KMT2A: variants seen among roughly 807,000 people sequenced by gnomAD.
KMT2A encodes the protein histone-lysine N-methyltransferase 2A.
Under a neutral mutation model 345.3 loss-of-function variants are expected in KMT2A, and 16 were observed. The observed-to-expected ratio is 0.05, with a 90% CI of 0.03 to 0.07. KMT2A has a LOEUF of 0.07. Among genes scored for constraint, KMT2A ranks in the 10% least tolerant of loss-of-function variants. The pLI, the probability that KMT2A is intolerant of heterozygous loss-of-function variation, is 1.00. For synonymous variants in KMT2A, 1,599 were observed against 1,778.6 expected, an observed-to-expected ratio of 0.90 and a Z score of 2.54; for missense variants, 3,272 against 4,841.6, an observed-to-expected ratio of 0.68 and a Z score of 9.62.
intron 1 of KMT2A, among the ~76,000 whole-genome samples, chr11:118,437,370 CCTCTCGGGCGT>C (rs72327630): frequency 0.05 from 7,628 of 152,080 alleles, 304 homozygotes; most frequent in African/African-American, 0.11. Flanking sequence ...GGGCAGTTTT[CCTCTCGGGCGT>C]CTCTCGGGTG....
At chr11:118,514,479 C>T (rs1416391145) in intron 31 of KMT2A, among the ~76,000 whole-genome samples, 5 of 151,342 alleles carry the variant, frequency 3.3e-5, no homozygotes, top group Admixed American at 2.6e-4. Flanking sequence ...CTTACTCTGT[C>T]ACCCAGGCTG....
rs533637959 is a variant in KMT2A at position 118,496,512 on chromosome 11, CTT to C, written c.5664+146_5664+147del. 3.2e-5 allele frequency: 16 copies of C among 502,210 alleles called. No homozygotes were observed. The Admixed American group carries it at 5.0e-4, about 16-fold the overall frequency. 31.1% of individuals were successfully genotyped at this position (502,210 alleles called of 1,614,324 possible). ...ATTTATAACTTTTATTTACCTATAA[CTT>C]ATAACTTATTAATTTGTAACTTATT... is the stretch of plus-strand genomic sequence containing the variant. On this transcript the variant is annotated intron_variant, in intron 20 of 35. Coordinates refer to ENST00000534358, the MANE Select transcript of KMT2A (RefSeq NM_001197104.2). This position sits in a 1 kb window ranked among gnomAD's most constrained non-coding sequence, Gnocchi z 4.7.
Position 118,520,747 on chromosome 11 carries a change from A to T in KMT2A, c.11430-55A>T, listed in dbSNP as rs529963620. On this transcript the variant is annotated intron_variant, in intron 33 of 35. Coordinates refer to ENST00000534358, the MANE Select transcript of KMT2A (RefSeq NM_001197104.2). The surrounding 1 kb of genome is among the most constrained non-coding windows in gnomAD (Gnocchi z 4.3). Reference sequence around the variant, plus strand: ...TGTCTCTAGGAACCTTCGATTCAAGACTCAAAACATTATTTCCTGAAAAAA... The same window carrying T: ...TGTCTCTAGGAACCTTCGATTCAAGTCTCAAAACATTATTTCCTGAAAAAA... 313 of 1,303,660 alleles carry T rather than the reference A, an allele frequency of 2.4e-4. 2 individuals carry two copies. The Admixed American group carries it at 5.2e-3, about 22-fold the overall frequency. 80.8% of individuals were successfully genotyped at this position (1,303,660 alleles called of 1,614,324 possible).
Position 118,471,776 on chromosome 11 carries a change from C to T in KMT2A, c.617C>T (p.Ser206Phe). 6.2e-7 allele frequency: 1 copy of T among 1,613,504 alleles called. No individual in the cohort carries two copies. Among genetic ancestry groups the T allele is most frequent in the Non-Finnish European group, 8.5e-7 (1 of 1,179,654 alleles). Reference sequence around the variant, plus strand: ...CCTCTAAATAAATCAGAGACCAAATCTGGAGATAAGATCAAGAAGAAAGAT... The same window carrying T: ...CCTCTAAATAAATCAGAGACCAAATTTGGAGATAAGATCAAGAAGAAAGAT... ...FSPLNKSETKSGDKIKKKDSK... is the reference protein window; with the variant it reads ...FSPLNKSETKFGDKIKKKDSK... The change falls in exon 3 of 36, where the codon TCT becomes TTT. Residue 206 changes from serine to phenylalanine, a missense_variant. Transcript: ENST00000534358.
intron 1 of KMT2A, among the ~76,000 whole-genome samples, chr11:118,447,170 T>C (rs1949439117): frequency 6.6e-6 from 1 of 152,224 alleles, no homozygotes; most frequent in Non-Finnish European, 1.5e-5. Flanking sequence ...GTTTTGTATG[T>C]TATCCTTAAA....
At chr11:118,506,715 G>T in intron 27 of KMT2A, 69 bp downstream of exon 27, 1 of 1,452,482 alleles carries the variant, frequency 6.9e-7, no homozygotes, top group Non-Finnish European at 9.3e-7. Flanking sequence ...GGCTGTTGAT[G>T]TGGTAGTCCG....
Position 118,502,805 on chromosome 11 carries a change from T to A in KMT2A, c.6913T>A (p.Ser2305Thr), listed in dbSNP as rs1168652214. Reference sequence around the variant, plus strand: ...TTCAGACTTGGTGTCCAAGAGCTCCTCTTTAAAGGGAGAGAAGACCAAAGT... The same window carrying A: ...TTCAGACTTGGTGTCCAAGAGCTCCACTTTAAAGGGAGAGAAGACCAAAGT... Reference protein sequence around the residue: ...SASDLVSKSSSLKGEKTKVLS... With the variant: ...SASDLVSKSSTLKGEKTKVLS... The change falls in exon 27 of 36, where the codon TCT becomes ACT. Residue 2305 changes from serine to threonine, a missense_variant. Ser to Thr is a moderately conservative substitution (Grantham distance 58). Coordinates refer to ENST00000534358, the MANE Select transcript of KMT2A (RefSeq NM_001197104.2). The surrounding 1 kb of genome is among the most constrained non-coding windows in gnomAD (Gnocchi z 4.9). 6.2e-7 allele frequency: 1 copy of A among 1,614,194 alleles called. No individual in the cohort carries two copies. The highest frequency in any genetic ancestry group is 8.5e-7 in the Non-Finnish European group (1 of 1,180,038).
In KMT2A at chr11:118,503,233, A is replaced by T; in HGVS notation, c.7341A>T (p.Lys2447Asn). 6.2e-7 allele frequency: 1 copy of T among 1,614,090 alleles called. No individual in the cohort carries two copies. Among genetic ancestry groups the T allele is most frequent in the East Asian group, 2.2e-5 (1 of 44,878 alleles). Residue 2447 changes from lysine to asparagine, a missense_variant, in exon 27 of 36, where the codon AAA (lysine) becomes AAT (asparagine). Coordinates refer to ENST00000534358, the MANE Select transcript of KMT2A (RefSeq NM_001197104.2). This position sits in a 1 kb window ranked among gnomAD's most constrained non-coding sequence, Gnocchi z 5.3. ...CTTTCAAAGAAAAGCATTCCAGTAA[A>T]TCTTTTTTGGAACCTGGTCAGGTGA... is the stretch of plus-strand genomic sequence containing the variant. ...KETFKEKHSSKSFLEPGQVTT... is the reference protein window; with the variant it reads ...KETFKEKHSSNSFLEPGQVTT...
chr11:118,450,083 T>G (rs1478407872), intron 1 of KMT2A: 7 of 152,226 alleles, frequency 4.6e-5, no homozygotes, highest in African/African-American at 1.7e-4. Context: ...AACCCTGTGA[T>G]TGTGATGCTT....
chr11:118,507,598 G>A lies in KMT2A; in HGVS notation c.10824G>A (p.Gly3608=), dbSNP rs1191156925. 3.7e-6 allele frequency: 6 copies of A among 1,613,198 alleles called. No individual in the cohort carries two copies. In the East Asian group the frequency reaches 1.1e-4, roughly 30 times the overall value. The change falls in exon 28 of 36, where the codon GGG becomes GGA. Residue 3608 remains glycine (G), a synonymous_variant. Transcript: ENST00000534358. The part of the protein sequence containing the change: ...SVEQSSQKEC[G]QPAGQVAVLP... ...AGCAGTCCTCCCAGAAGGAGTGTGG[G>A]CAACCTGCAGGGTAAGCTGAAGAAT... is the stretch of plus-strand genomic sequence containing the variant.
intron 1 of KMT2A, among the ~76,000 whole-genome samples, chr11:118,446,915 G>A (rs1383490659): frequency 2.0e-5 from 3 of 152,134 alleles, no homozygotes; most frequent in East Asian, 1.9e-4. Flanking sequence ...AATGTACATC[G>A]TTACTGCTTC....
At chr11:118,474,342 AAC>A in intron 3 of KMT2A, 27 bp downstream of exon 3, 1 of 1,601,016 alleles carries the variant, frequency 6.2e-7, no homozygotes, top group African/African-American at 1.3e-5. Flanking sequence ...TGCCTATTAA[AAC>A]TAACAGTTTA....
Position 118,462,312 on chromosome 11 carries a change from T to TTTTTG in KMT2A, c.433-6433_433-6429dup, listed in dbSNP as rs202080031. 6.0e-3 allele frequency among the ~76,000 whole-genome samples: 919 copies of TTTTTG among 152,140 alleles called. 14 individuals are homozygous for TTTTTG. Among genetic ancestry groups the TTTTTG allele is most frequent in the Admixed American group, 0.031 (469 of 15,252 alleles). On this transcript the variant is annotated intron_variant, in intron 1 of 35. Transcript: ENST00000534358. ...TTTCTCAACTTGGCTTTACTTAGTTTTTTTGTTTTGTTTTGTTTTGTTTTG... is the reference window on the plus strand; with the variant it reads ...TTTCTCAACTTGGCTTTACTTAGTTTTTTTGTTTTGTTTTGTTTTGTTTTGTTTTG...
intron 24 of KMT2A, 76 bp from the exon 25 acceptor site, chr11:118,500,911 A>G: frequency 8.5e-7 from 1 of 1,182,008 alleles, no homozygotes; most frequent in Non-Finnish European, 1.2e-6. Flanking sequence ...CCTAGGATAA[A>G]GAGAGGTTTT....
rs539714014 is a variant in KMT2A, at chr11:118,522,791, C to T, written c.*619C>T. 16 of 213,484 alleles carry T rather than the reference C, an allele frequency of 7.5e-5. 1 individual carries two copies. In the South Asian group the frequency reaches 2.4e-3, roughly 32 times the overall value. 13.2% of individuals were successfully genotyped at this position (213,484 alleles called of 1,614,324 possible). ...AATTAATTACCAAACATTGAGCCTG[C>T]AGGCTTTGAGTGGGAGTGTTGCCCC... is the stretch of plus-strand genomic sequence containing the variant. On this transcript the variant is annotated 3_prime_UTR_variant, in exon 36 of 36. Coordinates refer to ENST00000534358, the MANE Select transcript of KMT2A (RefSeq NM_001197104.2). The surrounding 1 kb of genome is among the most constrained non-coding windows in gnomAD (Gnocchi z 5.4).
At position 118,520,575 on chromosome 11, in the gene KMT2A, C is replaced by T. The variant is rs1950938961; in HGVS notation, c.11430-227C>T. The T allele has an allele frequency of 1.9e-6, 1 of 520,674 alleles. No homozygotes were observed. 32.3% of individuals were successfully genotyped at this position (520,674 alleles called of 1,614,324 possible). On this transcript the variant is annotated intron_variant, in intron 33 of 35. Transcript: ENST00000534358. The surrounding 1 kb of genome is among the most constrained non-coding windows in gnomAD (Gnocchi z 4.3). ...CTGAGGCAAGAGAATCGCTTGAACC[C>T]AGGAGGCGGAGGTTACAGTGAGCCG...
intron 31 of KMT2A, among the ~76,000 whole-genome samples, chr11:118,515,851 G>C (rs1950802383): frequency 6.6e-6 from 1 of 151,982 alleles, no homozygotes; most frequent in South Asian, 2.1e-4. Context: ...ACCACACCCA[G>C]CTAATTTTTG....
intron 12 of KMT2A, 99 bp downstream of exon 12, chr11:118,489,986 A>G (rs1950299906): frequency 7.0e-7 from 1 of 1,422,020 alleles, no homozygotes; most frequent in Non-Finnish European, 9.8e-7. Flanking sequence ...GGATGTCAGT[A>G]TGACAATCTT....
At position 118,491,367 on chromosome 11, in the gene KMT2A, T is replaced by G. The variant is rs1950322033; in HGVS notation, c.4819+49T>G. 1 of 1,578,676 alleles carries G rather than the reference T, an allele frequency of 6.3e-7. No homozygotes were observed. The highest frequency in any genetic ancestry group is 1.1e-5 in the South Asian group (1 of 86,964). ...TTCTTCTTTCTAGGTACTACTACAT[T>G]TATTAGCCTCTAGAGCACTTTAAAC... On this transcript the variant is annotated intron_variant, in intron 14 of 35. Coordinates refer to ENST00000534358, the MANE Select transcript of KMT2A (RefSeq NM_001197104.2). The surrounding 1 kb of genome is among the most constrained non-coding windows in gnomAD (Gnocchi z 4.2).
Sources: gnomAD v4.1 joint callset for allele counts (sites outside exome capture counted in the v4.1 genomes callset) on GRCh38, gnomAD v4.1.1 for gene constraint, Gnocchi (gnomAD v3.1) non-coding constraint, MANE v1.5 for transcripts, NCBI Gene and HGNC (gene_info 2026-07-23, HGNC 2026-07-21) for gene names.